Variants in NUP62 observed in about 807,000 individuals in gnomAD.
NUP62 encodes nuclear pore glycoprotein p62.
For synonymous variants in NUP62, 305 were observed against 303.4 expected (o/e 1.01, Z -0.05); for missense variants, 647 against 689.4 (o/e 0.94, Z 0.69).
Position 49,907,488 on chromosome 19 carries a change from C to G in NUP62, c.*751G>C. The G allele has an allele frequency of 9.1e-6, 4 of 439,760 alleles. No homozygotes were observed. Among genetic ancestry groups the G allele is most frequent in the South Asian group, 6.5e-5 (4 of 61,434 alleles). The allele number at this position is 439,760 out of a possible 1,614,324, so 27.2% of individuals were successfully genotyped here. A position where few individuals can be genotyped will look rare whatever the true frequency, so the allele number is the denominator to read the frequency against. On this transcript the variant is annotated 3_prime_UTR_variant, in exon 3 of 3. Coordinates refer to ENST00000352066, the MANE Select transcript of NUP62 (RefSeq NM_016553.5). ...TGGTGGTTAGCATGGTTAGCTTTCACAAGCACAAGCTCACACTCGAAAACT... is the reference window on the plus strand; with the variant it reads ...TGGTGGTTAGCATGGTTAGCTTTCAGAAGCACAAGCTCACACTCGAAAACT...
Position 49,909,550 on chromosome 19 carries a change from A to C in NUP62, c.258T>G (p.Thr86=). The change falls in exon 3 of 3, where the codon ACT becomes ACG. Residue 86 remains threonine, a synonymous_variant. Transcript: ENST00000352066. ...AAGCACCGATCCCCAAAGAAAATCCAGTTCCCCCCGAAGCAAGAGTCGCTG... is the reference window on the plus strand; with the variant it reads ...AAGCACCGATCCCCAAAGAAAATCCCGTTCCCCCCGAAGCAAGAGTCGCTG... The part of the protein sequence containing the change: ...FGTATLASGG[T]GFSLGIGASK... 6.2e-7 allele frequency: 1 copy of C among 1,614,080 alleles called. No individual in the cohort carries two copies. The highest frequency in any genetic ancestry group is 8.5e-7 in the Non-Finnish European group (1 of 1,180,020).
rs1024078223 is a variant in NUP62 at position 49,907,517 on chromosome 19, C to A, written c.*722G>T. On this transcript the variant is annotated 3_prime_UTR_variant, in exon 3 of 3. Transcript: ENST00000352066. ...CACAAGCTCACACTCGAAAACTAGG[C>A]TGCTGTCTCCTGGGAGTTTCTTTTT... 12 of 433,290 alleles carry A rather than the reference C, an allele frequency of 2.8e-5. No individual in the cohort carries two copies. Among genetic ancestry groups the A allele is most frequent in the Non-Finnish European group, 9.0e-6 (2 of 221,530 alleles). 26.8% of individuals were successfully genotyped at this position (433,290 alleles called of 1,614,324 possible).
intron 2 of NUP62, among the ~76,000 whole-genome samples, chr19:49,925,636 G>A (rs746540188): frequency 5.9e-5 from 9 of 152,198 alleles, no homozygotes; most frequent in Admixed American, 1.3e-4. Flanking sequence ...GCGGAGCCAT[G>A]ATGCCTAAAT....
chr19:49,914,351 G>A (rs2075563702), intron 2 of NUP62, among the ~76,000 whole-genome samples: 2 of 152,202 alleles, frequency 1.3e-5, no homozygotes, highest in Admixed American at 6.5e-5. Flanking sequence ...TCCAGGGAAA[G>A]GAGGAGGGTA....
At position 49,909,013 on chromosome 19, in the gene NUP62, G is replaced by C. The variant is rs372176952; in HGVS notation, c.795C>G (p.Ser265=). The stretch of plus-strand genomic sequence containing the variant: ...CGGTGGATGTTGTTGTGGAGGTGCC[G>C]GAAGCTGCTCCAGGTGCCTTTAAGC... ...GFSLKAPGAA[S]GTSTTTSTAA... is the part of the protein sequence containing the mutation. The change falls in exon 3 of 3, where the codon TCC becomes TCG. Residue 265 remains serine, a synonymous_variant. Coordinates refer to ENST00000352066, the MANE Select transcript of NUP62 (RefSeq NM_016553.5). 1.2e-6 allele frequency: 2 copies of C among 1,612,638 alleles called. No individual in the cohort carries two copies. The highest frequency in any genetic ancestry group is 3.3e-5 in the Admixed American group (2 of 60,002).
chr19:49,926,208 C>CAAAA lies in NUP62; in HGVS notation c.-78+1482_-78+1485dup, dbSNP rs33981121. On this transcript the variant is annotated intron_variant, in intron 2 of 2. Transcript: ENST00000352066. ...TGGGCAACAGAGCGAGACTCTGTCT[C>CAAAA]AAAAAAAAAAAAAAAAAAAAAAGCT... Among the ~76,000 whole-genome samples, 67 of 42,428 alleles carry CAAAA rather than the reference C, an allele frequency of 1.6e-3. 1 individual carries two copies. Among genetic ancestry groups the CAAAA allele is most frequent in the African/African-American group, 4.3e-3 (43 of 9,892 alleles). 27.8% of individuals were successfully genotyped at this position (42,428 alleles called of 152,430 possible).
chr19:49,920,606 G>A (rs973567328), intron 2 of NUP62, among the ~76,000 whole-genome samples: 21 of 152,344 alleles, frequency 1.4e-4, no homozygotes, highest in Admixed American at 1.2e-3. Context: ...GCGGATAGGC[G>A]TCAGGCTCAG....
intron 2 of NUP62, among the ~76,000 whole-genome samples, chr19:49,926,302 G>A (rs545906755): frequency 6.6e-6 from 1 of 151,990 alleles, no homozygotes; most frequent in South Asian, 2.1e-4. Context: ...GGCCGAGGTG[G>A]GTGGATCACC....
intron 2 of NUP62, chr19:49,911,305 A>G (rs1357608558): frequency 6.6e-6 from 1 of 152,212 alleles, no homozygotes; most frequent in Non-Finnish European, 1.5e-5. Context: ...AAGATGTGAG[A>G]AAGCCAGGAG....
chr19:49,913,656 C>A (rs979549651), intron 2 of NUP62, among the ~76,000 whole-genome samples: 6 of 152,218 alleles, frequency 3.9e-5, no homozygotes, highest in Non-Finnish European at 8.8e-5. Flanking sequence ...GGGGCTTTTG[C>A]ATCTCTCCCC....
chr19:49,917,447 C>A (rs189514687), intron 2 of NUP62, among the ~76,000 whole-genome samples: 50 of 152,384 alleles, frequency 3.3e-4, no homozygotes, highest in African/African-American at 1.2e-3. Context: ...AGCTCCAAGT[C>A]TGCCCTTCAA....
intron 2 of NUP62, among the ~76,000 whole-genome samples, chr19:49,916,539 C>T (rs1169764292): frequency 6.6e-6 from 1 of 151,584 alleles, no homozygotes; most frequent in Non-Finnish European, 1.5e-5. Flanking sequence ...TTTGGAAGGC[C>T]GAGGCGGGCG....
intron 2 of NUP62, among the ~76,000 whole-genome samples, chr19:49,914,967 T>A (rs1186566692): frequency 6.6e-6 from 1 of 151,962 alleles, no homozygotes; most frequent in East Asian, 1.9e-4. Flanking sequence ...CTTGAACTCC[T>A]GACCTCAGGT....
Position 49,909,226 on chromosome 19 carries a change from C to A in NUP62, c.582G>T (p.Thr194=). 6.2e-7 allele frequency: 1 copy of A among 1,613,930 alleles called. No individual in the cohort carries two copies. The highest frequency in any genetic ancestry group is 2.2e-5 in the East Asian group (1 of 44,880). The change falls in exon 3 of 3, where the codon ACG becomes ACT. Residue 194 remains threonine, a synonymous_variant. Coordinates refer to ENST00000352066, the MANE Select transcript of NUP62 (RefSeq NM_016553.5). ...APATLPFTPA[T]PAATTAGATQ... ...TGGCACCTGCTGTGGTGGCTGCTGG[C>A]GTGGCCGGAGTGAAGGGCAACGTGG...
intron 2 of NUP62, among the ~76,000 whole-genome samples, chr19:49,920,227 C>T (rs542516799): frequency 2.6e-5 from 4 of 152,266 alleles, no homozygotes; most frequent in African/African-American, 4.8e-5. Flanking sequence ...GGACTACAGG[C>T]GCGTGCCACC....
At chr19:49,924,779 GC>G (rs1204544666) in intron 2 of NUP62, among the ~76,000 whole-genome samples, 5 of 152,316 alleles carry the variant, frequency 3.3e-5, no homozygotes, top group South Asian at 4.1e-4. Flanking sequence ...GTGCCAACTG[GC>G]ACCCACTCAC....
rs760540568 is a variant in NUP62 at position 49,910,000 on chromosome 19, T to G, written c.-77-116A>C. On this transcript the variant is annotated intron_variant, in intron 2 of 2. Transcript: ENST00000352066. ...GGATGGGATAATGATGCATGCTGTG[T>G]AACCTAAACTAGGCTCTGCTACATC... 2.3e-4 allele frequency: 158 copies of G among 677,156 alleles called. 1 individual carries two copies. Among genetic ancestry groups the G allele is most frequent in the Non-Finnish European group, 3.8e-4 (141 of 369,518 alleles). The allele number at this position is 677,156 out of a possible 1,614,324, so 41.9% of individuals were successfully genotyped here.
At chr19:49,912,968 GTT>G (rs2075514535) in intron 2 of NUP62, 1 of 152,126 alleles carries the variant, frequency 6.6e-6, no homozygotes, top group African/African-American at 2.4e-5. Flanking sequence ...AGAGTGGCTG[GTT>G]AAGCCACGGT....
chr19:49,914,735 T>TTTG (rs2075579106), intron 2 of NUP62, among the ~76,000 whole-genome samples: 3 of 111,696 alleles, frequency 2.7e-5, no homozygotes, highest in Non-Finnish European at 5.3e-5. Flanking sequence ...AGTTTTTTTT[T>TTTG]TTTTTTTTTT....
Sources: gnomAD v4.1 joint callset for allele counts (sites outside exome capture counted in the v4.1 genomes callset) on GRCh38, gnomAD v4.1.1 for gene constraint, MANE v1.5 for transcripts, NCBI Gene and HGNC (gene_info 2026-07-23, HGNC 2026-07-21) for gene names.